KDM6B: variants seen among roughly 807,000 people sequenced by gnomAD.
KDM6B encodes the protein lysine demethylase 6B.
In KDM6B, 22 loss-of-function variants were observed where a neutral mutation model predicts 150.4. The observed-to-expected ratio is 0.15, with a 90% CI of 0.10 to 0.21. The LOEUF (loss-of-function observed/expected upper bound fraction) is 0.21. Ranked by LOEUF, KDM6B falls within the 10% of genes least tolerant of loss-of-function variation. KDM6B has a pLI of 1.00. For missense variants in KDM6B, 1,984 were observed against 2,234.3 expected, an observed-to-expected ratio of 0.89 and a Z score of 2.26; for synonymous variants, 1,148 against 921.1, an observed-to-expected ratio of 1.25 and a Z score of -4.46.
rs1234094885 is a variant in KDM6B at position 7,851,322 on chromosome 17, C to T, written c.3880-8C>T. On this transcript the variant is annotated splice_polypyrimidine_tract_variant and splice_region_variant and intron_variant, in intron 15 of 23. Coordinates refer to ENST00000448097, the MANE Select transcript of KDM6B (RefSeq NM_001348716.2). Reference sequence around the variant, plus strand: ...TGACCCAGGCCTGCCTACCCTCTGGCTGAACAGGAGGAGAAGGAGAGTGAG... The same window carrying T: ...TGACCCAGGCCTGCCTACCCTCTGGTTGAACAGGAGGAGAAGGAGAGTGAG... 6.2e-7 allele frequency: 1 copy of T among 1,614,014 alleles called. No individual in the cohort carries two copies. The highest frequency in any genetic ancestry group is 1.7e-5 in the Admixed American group (1 of 60,034).
Position 7,846,850 on chromosome 17 carries a change from C to T in KDM6B, c.743C>T (p.Pro248Leu). 2 of 1,594,176 alleles carry T rather than the reference C, an allele frequency of 1.3e-6. No individual in the cohort carries two copies. Among genetic ancestry groups the T allele is most frequent in the Non-Finnish European group, 8.5e-7 (1 of 1,173,518 alleles). ...CTTCCCCCAGGGCTGCCACTGCCTC[C>T]ACCACCATTACCACCACCACCACCA... Reference protein sequence around the residue: ...TGLPPGLPLPPPPLPPPPPPP... With the variant: ...TGLPPGLPLPLPPLPPPPPPP... The change falls in exon 10 of 24, where the codon CCA (proline) becomes CTA (leucine). Residue 248 changes from proline (P) to leucine (L), a missense_variant. Pro to Leu is a moderately conservative substitution (Grantham distance 98). Transcript: ENST00000448097.
intron 2 of KDM6B, among the ~76,000 whole-genome samples, chr17:7,842,358 G>A (rs1403569963): frequency 2.0e-5 from 3 of 152,180 alleles, no homozygotes; most frequent in Non-Finnish European, 2.9e-5. Flanking sequence ...CAGAGCCGCT[G>A]GCTCCCGAGG....
chr17:7,853,390 C>T lies in KDM6B; in HGVS notation c.4908+10C>T. 1 of 1,539,702 alleles carries T rather than the reference C, an allele frequency of 6.5e-7. No homozygotes were observed. The highest frequency in any genetic ancestry group is 8.7e-7 in the Non-Finnish European group (1 of 1,147,478). The stretch of plus-strand genomic sequence containing the variant: ...CGACGCCTTCACGCTGGTGAGGGCC[C>T]GGCGGGCGCGCGGGCAGCGGAGGAG... On this transcript the variant is annotated intron_variant, in intron 23 of 23. Transcript: ENST00000448097.
chr17:7,841,973 G>A (rs1378551983), intron 2 of KDM6B, among the ~76,000 whole-genome samples: 1 of 152,196 alleles, frequency 6.6e-6, no homozygotes, highest in Non-Finnish European at 1.5e-5. Context: ...CAGGGAGCGG[G>A]TTGCGACGAG....
At position 7,847,431 on chromosome 17, in the gene KDM6B, C is replaced by T. The variant is rs776077452; in HGVS notation, c.1236C>T (p.Gly412=). The change falls in exon 11 of 24, where the codon GGC becomes GGT. Residue 412 remains glycine, a synonymous_variant. Coordinates refer to ENST00000448097, the MANE Select transcript of KDM6B (RefSeq NM_001348716.2). Reference sequence around the variant, plus strand: ...GCAGCAGCAACACTGGTCTCCGGGGCGTGGAGCCGAACCCAGGCATTGTGA... The same window carrying T: ...GCAGCAGCAACACTGGTCTCCGGGGTGTGGAGCCGAACCCAGGCATTGTGA... ...SSSSSNTGLR[G]VEPNPGIPGA... 1.4e-5 allele frequency: 22 copies of T among 1,613,672 alleles called. No individual in the cohort carries two copies. The highest frequency in any genetic ancestry group is 4.4e-5 in the South Asian group (4 of 91,088).
chr17:7,851,613 G>A, intron 17 of KDM6B, 35 bp from the exon 18 acceptor site: 2 of 1,604,456 alleles, frequency 1.2e-6, no homozygotes, highest in Non-Finnish European at 1.7e-6. Context: ...TGGCGGGGGC[G>A]GGGTGTAGCC....
At chr17:7,836,829 G>A (rs1310307401) in intron 1 of KDM6B, among the ~76,000 whole-genome samples, 1 of 152,218 alleles carries the variant, frequency 6.6e-6, no homozygotes, top group Non-Finnish European at 1.5e-5. Flanking sequence ...CGCCCCGTAG[G>A]GGTCAAAGGT....
In KDM6B at chr17:7,844,225, GA is replaced by G. The variant is rs1356748419; in HGVS notation, c.-268-675del. ...CAGAGAGGATACGCGAGCCACGAGA[GA>G]GGGGCCACTCGGGACCGCGGTGCGC... On this transcript the variant is annotated intron_variant, in intron 2 of 23. Transcript: ENST00000448097. This position sits in a 1 kb window ranked among gnomAD's most constrained non-coding sequence, Gnocchi z 5.9. 1 of 152,286 alleles carries G rather than the reference GA, an allele frequency of 6.6e-6. No homozygotes were observed. The highest frequency in any genetic ancestry group is 1.5e-5 in the Non-Finnish European group (1 of 68,088). The allele number at this position is 152,286 out of a possible 1,614,324, so 9.4% of individuals were successfully genotyped here. A position where few individuals can be genotyped will look rare whatever the true frequency, so the allele number is the denominator to read the frequency against.
Position 7,853,617 on chromosome 17 carries a change from A to G in KDM6B, c.*96A>G. 1.0e-6 allele frequency: 1 copy of G among 957,656 alleles called. No homozygotes were observed. The highest frequency in any genetic ancestry group is 3.9e-5 in the East Asian group (1 of 25,950). The allele number at this position is 957,656 out of a possible 1,614,324, so 59.3% of individuals were successfully genotyped here. On this transcript the variant is annotated 3_prime_UTR_variant, in exon 24 of 24. Transcript: ENST00000448097. Reference sequence around the variant, plus strand: ...ACCTAGGTCCCGCCTGTGGCCGAGAAGGGGGTCGGGCCCAGCCCTTCCACC... The same window carrying G: ...ACCTAGGTCCCGCCTGTGGCCGAGAGGGGGGTCGGGCCCAGCCCTTCCACC...
At chr17:7,852,912 G>A (rs1479109176) in intron 21 of KDM6B, 88 bp from the exon 22 acceptor site, 5 of 1,571,238 alleles carry the variant, frequency 3.2e-6, no homozygotes, top group Non-Finnish European at 1.7e-6. Flanking sequence ...GGAGGGCCCT[G>A]GGGCTGCCCA....
chr17:7,850,026 A>T (rs1189139792), intron 13 of KDM6B, 46 bp from the exon 14 acceptor site: 1 of 1,613,138 alleles, frequency 6.2e-7, no homozygotes, highest in Non-Finnish European at 8.5e-7. Context: ...GGGTGCTCTG[A>T]GCCTGGGCCA....
Position 7,844,993 on chromosome 17 carries a change from G to GGAGA in KDM6B, c.-175_-174insAGAG. ...CCAGATCTCTGGAGCTTGCCGACGC[G>GGAGA]GTGTGAGGACGCTCCCACGGAGGCC... On this transcript the variant is annotated 5_prime_UTR_variant, in exon 3 of 24. Transcript: ENST00000448097. The surrounding 1 kb of genome is among the most constrained non-coding windows in gnomAD (Gnocchi z 5.9). The GGAGA allele has an allele frequency of 5.7e-6, 1 of 175,702 alleles. No homozygotes were observed. Among genetic ancestry groups the GGAGA allele is most frequent in the South Asian group, 1.1e-4 (1 of 9,038 alleles). The allele number at this position is 175,702 out of a possible 1,614,324, so 10.9% of individuals were successfully genotyped here.
rs1184610965 is a variant in KDM6B, at chr17:7,847,149, A to G, written c.954A>G (p.Pro318=). The G allele has an allele frequency of 1.5e-5, 24 of 1,608,458 alleles. No homozygotes were observed. The highest frequency in any genetic ancestry group is 1.9e-5 in the Non-Finnish European group (23 of 1,179,894). Residue 318 remains proline, a synonymous_variant, in exon 11 of 24, where the codon CCA becomes CCG. Coordinates refer to ENST00000448097, the MANE Select transcript of KDM6B (RefSeq NM_001348716.2). ...SLPHPYPYPA[P]AYTAHPPGHR... is the part of the protein sequence containing the mutation. ...CTCACCCATATCCATACCCAGCTCC[A>G]GCGTACACCGCGCACCCCCCTGGCC... is the stretch of plus-strand genomic sequence containing the variant.
intron 1 of KDM6B, among the ~76,000 whole-genome samples, chr17:7,836,587 A>G (rs1018010230): frequency 6.6e-5 from 10 of 152,144 alleles, no homozygotes; most frequent in African/African-American, 2.4e-4. Flanking sequence ...AAGGCACAGT[A>G]TCTCCGAGGG....
In KDM6B at chr17:7,847,925, C is replaced by T. The variant is rs749265302; in HGVS notation, c.1637C>T (p.Pro546Leu). The change falls in exon 12 of 24, where the codon CCC (proline) becomes CTC (leucine). Residue 546 changes from proline (P) to leucine (L), a missense_variant. Around this residue, in one of 13 missense-constraint regions of KDM6B, gnomAD observed 1,379 missense variants for 1,275.6 expected, o/e 1.08. Coordinates refer to ENST00000448097, the MANE Select transcript of KDM6B (RefSeq NM_001348716.2). ...CAGGATTCTCACACCCCTCCCACTC[C>T]CCCAACCCCAACCACCAGCAGTAGC... ...GTQDSHTPPT[P>L]PTPTTSSSNS... The T allele has an allele frequency of 1.1e-5, 17 of 1,611,552 alleles. No individual in the cohort carries two copies. In the East Asian group the frequency reaches 2.5e-4, roughly 23 times the overall value.
chr17:7,853,547 G>A lies in KDM6B; in HGVS notation c.*26G>A. 7.0e-7 allele frequency: 1 copy of A among 1,422,128 alleles called. No homozygotes were observed. The allele number at this position is 1,422,128 out of a possible 1,614,324, so 88.1% of individuals were successfully genotyped here. On this transcript the variant is annotated 3_prime_UTR_variant, in exon 24 of 24. Coordinates refer to ENST00000448097, the MANE Select transcript of KDM6B (RefSeq NM_001348716.2). ...GGCCGGACGCCCCGCCCGCCTGCCT[G>A]CCCGCGCAAGGCGCCGCGGGGCCAC...
Position 7,846,815 on chromosome 17 carries a change from C to A in KDM6B, c.712-4C>A, listed in dbSNP as rs202119397. The A allele has an allele frequency of 4.6e-5, 74 of 1,613,382 alleles. No individual in the cohort carries two copies. In the African/African-American group the frequency reaches 9.2e-4, roughly 20 times the overall value. ...TGGGATTCTCACACTCTCTTCTCTC[C>A]TAGACTGGCCTTCCCCCAGGGCTGC... is the stretch of plus-strand genomic sequence containing the variant. On this transcript the variant is annotated splice_polypyrimidine_tract_variant and splice_region_variant and intron_variant, in intron 9 of 23. Coordinates refer to ENST00000448097, the MANE Select transcript of KDM6B (RefSeq NM_001348716.2).
At chr17:7,842,053 C>A (rs1021100718) in intron 2 of KDM6B, among the ~76,000 whole-genome samples, 12 of 152,256 alleles carry the variant, frequency 7.9e-5, no homozygotes, top group African/African-American at 2.9e-4. Flanking sequence ...AAAACCCTAT[C>A]TGCGGGCTCT....
intron 1 of KDM6B, among the ~76,000 whole-genome samples, chr17:7,836,110 T>C (rs926568392): frequency 4.6e-5 from 7 of 152,174 alleles, no homozygotes; most frequent in Non-Finnish European, 1.0e-4. Context: ...TTCCCAAGGC[T>C]TCTCCCGCCC....
Sources: allele counts gnomAD v4.1 joint callset (sites outside exome capture counted in the v4.1 genomes callset), GRCh38; gene constraint gnomAD v4.1.1; regional missense constraint gnomAD v4.1.1; non-coding constraint Gnocchi (gnomAD v3.1); transcripts MANE v1.5; gene names NCBI Gene and HGNC (gene_info 2026-07-23, HGNC 2026-07-21).